ASTN2: variants seen among roughly 807,000 people sequenced by gnomAD.
ASTN2 encodes astrotactin-2.
Under a neutral mutation model 139.8 loss-of-function variants are expected in ASTN2, and 54 were observed. The observed-to-expected ratio is 0.39, with a 90% CI of 0.31 to 0.48. ASTN2 has a LOEUF of 0.48. Among genes scored for constraint, ASTN2 ranks in the 20% least tolerant of loss-of-function variants. The pLI, the probability that ASTN2 is intolerant of heterozygous loss-of-function variation, is 0.95. For synonymous variants in ASTN2, 756 were observed against 719.5 expected (o/e 1.05, Z -0.81); for missense variants, 1,565 against 1,725.1 (o/e 0.91, Z 1.64).
At chr9:116,850,973 T>C (rs1832582736) in intron 11 of ASTN2, among the ~76,000 whole-genome samples, 1 of 152,216 alleles carries the variant, frequency 6.6e-6, no homozygotes, top group African/African-American at 2.4e-5. Context: ...AAATAGACTA[T>C]GGACTCTTTG....
At chr9:116,863,872 G>A in intron 10 of ASTN2, 139 bp from the exon 11 acceptor site, 8 of 1,003,986 alleles carry the variant, frequency 8.0e-6, no homozygotes, top group Non-Finnish European at 1.1e-5. Context: ...TTATAAAAAG[G>A]AAACAACAAC....
At chr9:116,622,314 G>A (rs112919285) in intron 17 of ASTN2, among the ~76,000 whole-genome samples, 3 of 152,006 alleles carry the variant, frequency 2.0e-5, no homozygotes, top group African/African-American at 4.8e-5. Context: ...CCTGCCACAT[G>A]TTCTTATCCA....
At chr9:117,241,933 C>T (rs551098294) in intron 2 of ASTN2, among the ~76,000 whole-genome samples, 1 of 147,208 alleles carries the variant, frequency 6.8e-6, no homozygotes, top group African/African-American at 2.5e-5. Context: ...TACCCCCCCC[C>T]ACACACACAC....
rs72075422 is a variant in ASTN2 at position 117,116,834 on chromosome 9, C to CAAAAAAAAAAAAA, written c.1169-20696_1169-20684dup. ...GTTTTGAGGCAGTTCTGGCATGAGC[C>CAAAAAAAAAAAAA]AAAAAAAAAAAAAAAAAAAAAAAAA... On this transcript the variant is annotated intron_variant, in intron 4 of 22. Coordinates refer to ENST00000313400, the MANE Select transcript of ASTN2 (RefSeq NM_001365068.1). Among the ~76,000 whole-genome samples the CAAAAAAAAAAAAA allele has an allele frequency of 1.3e-4, 6 of 45,188 alleles. 1 individual carries two copies. Among genetic ancestry groups the CAAAAAAAAAAAAA allele is most frequent in the Non-Finnish European group, 1.1e-4 (3 of 28,230 alleles). The allele number at this position is 45,188 out of a possible 152,430, so 29.6% of individuals were successfully genotyped here.
At chr9:116,891,330 G>A (rs1254806435) in intron 10 of ASTN2, among the ~76,000 whole-genome samples, 1 of 152,190 alleles carries the variant, frequency 6.6e-6, no homozygotes, top group Non-Finnish European at 1.5e-5. Context: ...ATACCTGCCT[G>A]GGTTTGTGTT....
intron 16 of ASTN2, among the ~76,000 whole-genome samples, chr9:116,682,186 A>T (rs1417591668): frequency 6.6e-6 from 1 of 152,138 alleles, no homozygotes; most frequent in East Asian, 1.9e-4. Context: ...CAAGAAAAAA[A>T]CAAACAACCC....
At chr9:116,513,887 A>T (rs559860167) in intron 19 of ASTN2, among the ~76,000 whole-genome samples, 1 of 151,944 alleles carries the variant, frequency 6.6e-6, no homozygotes, top group South Asian at 2.1e-4. Context: ...TGGTTATTCT[A>T]GTTAGCCATT....
At chr9:117,190,919 A>G (rs1460290527) in intron 3 of ASTN2, among the ~76,000 whole-genome samples, 1 of 152,124 alleles carries the variant, frequency 6.6e-6, no homozygotes, top group Non-Finnish European at 1.5e-5. Flanking sequence ...ATAGAAATTG[A>G]CTTGCATATA....
At chr9:116,672,293 G>A (rs1859245054) in intron 16 of ASTN2, among the ~76,000 whole-genome samples, 1 of 151,746 alleles carries the variant, frequency 6.6e-6, no homozygotes, top group African/African-American at 2.4e-5. Flanking sequence ...TTGAGCCAGG[G>A]AGGTCAAGGC....
intron 16 of ASTN2, chr9:116,697,718 A>G (rs773666256): frequency 1.2e-6 from 2 of 1,613,250 alleles, no homozygotes; most frequent in Non-Finnish European, 1.7e-6. Flanking sequence ...GAGCTGTGCT[A>G]GCAATACCCT....
chr9:116,691,166 C>T (rs1860547204), intron 16 of ASTN2, among the ~76,000 whole-genome samples: 1 of 152,198 alleles, frequency 6.6e-6, no homozygotes, highest in Non-Finnish European at 1.5e-5. Flanking sequence ...TAAGTAGTCT[C>T]TGCTAGTCTC....
At chr9:116,551,632 G>A (rs930018623) in intron 19 of ASTN2, among the ~76,000 whole-genome samples, 10 of 152,236 alleles carry the variant, frequency 6.6e-5, no homozygotes, top group African/African-American at 2.4e-4. Flanking sequence ...TAAACCCTCT[G>A]TGCCTATATC....
intron 17 of ASTN2, among the ~76,000 whole-genome samples, chr9:116,647,638 T>C (rs1469448287): frequency 6.6e-6 from 1 of 152,108 alleles, no homozygotes; most frequent in Non-Finnish European, 1.5e-5. Context: ...GTGGCTTGGC[T>C]TGTAGTGTGC....
chr9:117,352,789 A>C (rs112910615), intron 1 of ASTN2, among the ~76,000 whole-genome samples: 1,739 of 152,308 alleles, frequency 0.011, 34 homozygotes, highest in African/African-American at 0.04. Context: ...TGAATGGATA[A>C]ATAAAATGTA....
At chr9:117,225,436 C>G (rs758071372) in intron 2 of ASTN2, among the ~76,000 whole-genome samples, 2 of 150,184 alleles carry the variant, frequency 1.3e-5, no homozygotes, top group Non-Finnish European at 1.5e-5. Flanking sequence ...ACAGATGGGC[C>G]AGGCACGGTG....
chr9:116,682,306 C>A (rs1859930770), intron 16 of ASTN2, among the ~76,000 whole-genome samples: 1 of 152,238 alleles, frequency 6.6e-6, no homozygotes, highest in East Asian at 1.9e-4. Flanking sequence ...CAGAGAAATG[C>A]AAATCAAAAC....
At chr9:116,432,759 G>A (rs1847537587) in intron 22 of ASTN2, among the ~76,000 whole-genome samples, 1 of 152,096 alleles carries the variant, frequency 6.6e-6, no homozygotes, top group Non-Finnish European at 1.5e-5. Context: ...GTGAAGCCCC[G>A]TCTCTACTAA....
At chr9:116,833,727 T>G (rs1564292741) in intron 11 of ASTN2, among the ~76,000 whole-genome samples, 1 of 152,310 alleles carries the variant, frequency 6.6e-6, no homozygotes, top group South Asian at 2.1e-4. Flanking sequence ...TATTTGAAGA[T>G]TTTTCTGTTA....
At chr9:116,475,802 T>A (rs981850740) in intron 20 of ASTN2, among the ~76,000 whole-genome samples, 5 of 152,150 alleles carry the variant, frequency 3.3e-5, no homozygotes, top group Admixed American at 2.6e-4. Flanking sequence ...AGCTTCCCCA[T>A]ACTCCTCATG....
Sources: allele counts gnomAD v4.1 joint callset (sites outside exome capture counted in the v4.1 genomes callset), GRCh38; gene constraint gnomAD v4.1.1; transcripts MANE v1.5; gene names NCBI Gene and HGNC (gene_info 2026-07-23, HGNC 2026-07-21).